Variants in PAN3 observed in about 807,000 individuals in gnomAD.
PAN3 encodes the protein PAN2-PAN3 deadenylation complex subunit PAN3.
PAN3 carries 19 observed loss-of-function variants against 96.2 expected under a neutral mutation model. That is an observed-to-expected ratio of 0.20 (90% confidence interval 0.14 to 0.29). The LOEUF (loss-of-function observed/expected upper bound fraction) is 0.29. PAN3 is among the 10% of genes least tolerant of loss of function. The pLI is 1.00. For missense variants in PAN3, 882 were observed against 1,108.1 expected (o/e 0.80, Z 2.90); for synonymous variants, 433 against 406.6 (o/e 1.06, Z -0.78).
chr13:28,251,900 G>GTTT (rs397737864), intron 6 of PAN3, among the ~76,000 whole-genome samples: 4 of 151,080 alleles, frequency 2.6e-5, no homozygotes, highest in Non-Finnish European at 1.5e-5. Flanking sequence ...TTGTTTGTTT[G>GTTT]GTTTTGAGAC....
intron 6 of PAN3, among the ~76,000 whole-genome samples, chr13:28,247,333 T>C (rs1053973545): frequency 6.6e-6 from 1 of 152,148 alleles, no homozygotes; most frequent in African/African-American, 2.4e-5. Context: ...ATACTAATCA[T>C]CAATTTCCCG....
intron 4 of PAN3, among the ~76,000 whole-genome samples, chr13:28,194,203 G>T (rs1380628836): frequency 6.6e-6 from 1 of 151,004 alleles, no homozygotes; most frequent in Non-Finnish European, 1.5e-5. Flanking sequence ...ATCTGAATTT[G>T]TGAAGGATCT....
intron 8 of PAN3, 61 bp from the exon 9 acceptor site, chr13:28,261,340 A>G (rs1885703245): frequency 8.4e-7 from 1 of 1,189,210 alleles, no homozygotes; most frequent in Non-Finnish European, 1.2e-6. Context: ...TTTAATTATA[A>G]TAGGAATTCC....
chr13:28,185,293 A>G (rs189606687), intron 4 of PAN3, among the ~76,000 whole-genome samples: 3 of 152,282 alleles, frequency 2.0e-5, no homozygotes, highest in Non-Finnish European at 4.4e-5. Flanking sequence ...CTTGCTAAAA[A>G]TATGGTAGTT....
At chr13:28,271,854 T>C in intron 13 of PAN3, 127 bp from the exon 14 acceptor site, 1 of 559,410 alleles carries the variant, frequency 1.8e-6, no homozygotes, top group Non-Finnish European at 3.0e-6. Context: ...TGGTGTGGGG[T>C]AGGATGGAAG....
At chr13:28,248,354 T>C (rs1884406278) in intron 6 of PAN3, among the ~76,000 whole-genome samples, 2 of 152,194 alleles carry the variant, frequency 1.3e-5, no homozygotes, top group South Asian at 2.1e-4. Context: ...TAATATCACG[T>C]TGCCTACAAA....
chr13:28,215,007 A>G, intron 5 of PAN3: 1 of 1,262,134 alleles, frequency 7.9e-7, no homozygotes, highest in Non-Finnish European at 1.1e-6. Flanking sequence ...TTACAGCCAG[A>G]AGAGATATGA....
chr13:28,149,737 TCCTTA>T (rs1482300298), intron 1 of PAN3, among the ~76,000 whole-genome samples: 1 of 152,176 alleles, frequency 6.6e-6, no homozygotes, highest in Non-Finnish European at 1.5e-5. Context: ...TGCCTCAGCC[TCCTTA>T]GTAGTTAGGT....
At position 28,207,141 on chromosome 13, in the gene PAN3, A is replaced by T. The variant is rs543739321; in HGVS notation, c.852+9795A>T. Among the ~76,000 whole-genome samples the T allele has an allele frequency of 3.9e-5, 6 of 152,336 alleles. No homozygotes were observed. The South Asian group carries it at 1.2e-3, about 32-fold the overall frequency. ...TCAAACCTGTTTTTCATTTACACAC[A>T]TCTGTAGACACTTATTCACAACTAT... is the stretch of plus-strand genomic sequence containing the variant. On this transcript the variant is annotated intron_variant, in intron 5 of 18. Coordinates refer to ENST00000380958, the MANE Select transcript of PAN3 (RefSeq NM_175854.8).
chr13:28,207,785 A>G (rs1481536650), intron 5 of PAN3, among the ~76,000 whole-genome samples: 1 of 152,216 alleles, frequency 6.6e-6, no homozygotes, highest in Non-Finnish European at 1.5e-5. Flanking sequence ...CATTGTAGAT[A>G]ATATATGTCT....
At chr13:28,228,884 A>G (rs201952836) in intron 6 of PAN3, among the ~76,000 whole-genome samples, 2 of 152,184 alleles carry the variant, frequency 1.3e-5, no homozygotes, top group East Asian at 1.9e-4. Context: ...CCAAAATGTA[A>G]TGACATGGCT....
In PAN3 at chr13:28,293,387, G is replaced by GTTTTTTTTTGTTTTTTT. The variant is rs1869988891; in HGVS notation, c.*874_*875insGTTTTTTTTTTTTTTTT. 5 of 21,356 alleles carry GTTTTTTTTTGTTTTTTT rather than the reference G, an allele frequency of 2.3e-4. No homozygotes were observed. The highest frequency in any genetic ancestry group is 1.0e-3 in the African/African-American group (5 of 4,970). 1.3% of individuals were successfully genotyped at this position (21,356 alleles called of 1,614,324 possible). On this transcript the variant is annotated 3_prime_UTR_variant, in exon 19 of 19. Transcript: ENST00000380958. ...ACTTTAGGTTCTTTCCAGTTTGCTGGTTTTTTTTTTTTTTTTTTTTTTTTT... is the reference window on the plus strand; with the variant it reads ...ACTTTAGGTTCTTTCCAGTTTGCTGGTTTTTTTTTGTTTTTTTTTTTTTTTTTTTTTTTTTTTTTTTT...
At chr13:28,188,054 A>G (rs976786192) in intron 4 of PAN3, among the ~76,000 whole-genome samples, 1 of 152,238 alleles carries the variant, frequency 6.6e-6, no homozygotes, top group Admixed American at 6.5e-5. Flanking sequence ...GAACATCTTT[A>G]CAAACTTGAA....
chr13:28,289,171 A>G (rs1234376277), intron 18 of PAN3, among the ~76,000 whole-genome samples: 1 of 152,180 alleles, frequency 6.6e-6, no homozygotes, highest in Non-Finnish European at 1.5e-5. Context: ...AAAGCACAAT[A>G]CTAGTGACAT....
intron 1 of PAN3, among the ~76,000 whole-genome samples, chr13:28,145,729 G>A (rs1870538025): frequency 6.9e-6 from 1 of 144,172 alleles, no homozygotes; most frequent in African/African-American, 2.6e-5. Flanking sequence ...TAGCTGGGGT[G>A]ACAGGTGGAA....
chr13:28,197,476 T>A lies in PAN3; in HGVS notation c.852+130T>A. 4.7e-6 allele frequency: 4 copies of A among 844,344 alleles called. No individual in the cohort carries two copies. In the East Asian group the frequency reaches 8.6e-5, roughly 18 times the overall value. The allele number at this position is 844,344 out of a possible 1,614,324, so 52.3% of individuals were successfully genotyped here. ...ATACTTAGGTAATTAAAAAAATTTTTAATCAGAATAAAGTTAGTGACCCTT... is the reference window on the plus strand; with the variant it reads ...ATACTTAGGTAATTAAAAAAATTTTAAATCAGAATAAAGTTAGTGACCCTT... On this transcript the variant is annotated intron_variant, in intron 5 of 18. Transcript: ENST00000380958.
chr13:28,138,623 C>CGGGCGGCGGCGGAAGACG lies in PAN3; in HGVS notation c.-34_-17dup, dbSNP rs1555266384. 46 of 441,508 alleles carry CGGGCGGCGGCGGAAGACG rather than the reference C, an allele frequency of 1.0e-4. No homozygotes were observed. The highest frequency in any genetic ancestry group is 6.5e-5 in the Non-Finnish European group (18 of 275,920). 27.3% of individuals were successfully genotyped at this position (441,508 alleles called of 1,614,324 possible). On this transcript the variant is annotated 5_prime_UTR_variant, in exon 1 of 19. Coordinates refer to ENST00000380958, the MANE Select transcript of PAN3 (RefSeq NM_175854.8). The stretch of plus-strand genomic sequence containing the variant: ...TATGGTGGTGGCGGCGGCGGCTCCT[C>CGGGCGGCGGCGGAAGACG]GGGCGGCGGCGGAAGACGAGGCTGC...
chr13:28,173,718 G>A (rs1223717383), intron 1 of PAN3, among the ~76,000 whole-genome samples: 2 of 152,146 alleles, frequency 1.3e-5, no homozygotes, highest in Non-Finnish European at 2.9e-5. Context: ...ACAGTGTCCC[G>A]TTGATTGCCC....
At chr13:28,222,333 C>A (rs973723231) in intron 6 of PAN3, among the ~76,000 whole-genome samples, 24 of 152,080 alleles carry the variant, frequency 1.6e-4, no homozygotes, top group African/African-American at 5.6e-4. Flanking sequence ...AGCTGAAAAT[C>A]TATTCTTCTA....
Sources: gnomAD v4.1 joint callset for allele counts (sites outside exome capture counted in the v4.1 genomes callset) on GRCh38, gnomAD v4.1.1 for gene constraint, MANE v1.5 for transcripts, NCBI Gene and HGNC (gene_info 2026-07-23, HGNC 2026-07-21) for gene names.